The following FNDC3B variants were observed in gnomAD, a reference collection of about 807,000 sequenced individuals.
FNDC3B encodes the protein fibronectin type III domain-containing protein 3B.
FNDC3B carries 12 observed loss-of-function variants against 151.5 expected under a neutral mutation model. The ratio of observed to expected loss-of-function variants is 0.08; its 90% CI spans 0.05 to 0.13. The LOEUF is 0.13. Ranked by LOEUF, FNDC3B falls within the 10% of genes least tolerant of loss-of-function variation. The pLI is 1.00. For missense variants in FNDC3B, 1,214 were observed against 1,505.3 expected (o/e 0.81, Z 3.20); for synonymous variants, 528 against 549.0 (o/e 0.96, Z 0.54).
At chr3:172,182,841 T>C (rs1225271122) in intron 3 of FNDC3B, among the ~76,000 whole-genome samples, 5 of 152,206 alleles carry the variant, frequency 3.3e-5, no homozygotes. Flanking sequence ...GGAGATGAAG[T>C]GTTTTATTAG....
intron 23 of FNDC3B, among the ~76,000 whole-genome samples, chr3:172,368,080 A>G (rs1734715663): frequency 1.3e-5 from 2 of 152,230 alleles, no homozygotes; most frequent in Admixed American, 1.3e-4. Flanking sequence ...CGGGAACCTG[A>G]GCAGCATAGT....
intron 3 of FNDC3B, among the ~76,000 whole-genome samples, chr3:172,204,265 G>A (rs12493901): frequency 0.37 from 56,388 of 152,040 alleles, 12,649 homozygotes; most frequent in Non-Finnish European, 0.49. Flanking sequence ...AGCATGCACC[G>A]GAGACGCTTC....
chr3:172,051,606 G>A (rs76610380), intron 1 of FNDC3B, among the ~76,000 whole-genome samples: 5,083 of 152,184 alleles, frequency 0.033, 194 homozygotes, highest in African/African-American at 0.084. Context: ...GGTTCAGTGT[G>A]TACTGCCCAG....
intron 1 of FNDC3B, among the ~76,000 whole-genome samples, chr3:172,101,107 G>A (rs540933442): frequency 2.0e-5 from 3 of 152,088 alleles, no homozygotes; most frequent in Non-Finnish European, 4.4e-5. Flanking sequence ...AATTCTATAC[G>A]AGCTGATTAA....
At position 172,327,867 on chromosome 3, in the gene FNDC3B, T is replaced by C. The variant is rs544839387; in HGVS notation, c.1255-1085T>C. Among the ~76,000 whole-genome samples the C allele has an allele frequency of 2.0e-5, 3 of 152,386 alleles. No homozygotes were observed. The East Asian group carries it at 5.8e-4, about 29-fold the overall frequency. On this transcript the variant is annotated intron_variant, in intron 11 of 25. Coordinates refer to ENST00000415807, the MANE Select transcript of FNDC3B (RefSeq NM_022763.4). The stretch of plus-strand genomic sequence containing the variant: ...GTTTACGTAAAAAATGTGCTTGCTT[T>C]GTTTTTTGTGAAATAAATTGAGAAC...
chr3:172,123,973 C>T (rs1229535603), intron 2 of FNDC3B, among the ~76,000 whole-genome samples: 5 of 152,214 alleles, frequency 3.3e-5, no homozygotes, highest in Non-Finnish European at 7.3e-5. Flanking sequence ...ATTATCCTTT[C>T]ATAGATCGGT....
At chr3:172,103,417 A>G (rs1719470179) in intron 1 of FNDC3B, among the ~76,000 whole-genome samples, 2 of 152,152 alleles carry the variant, frequency 1.3e-5, no homozygotes, top group South Asian at 4.1e-4. Context: ...TAATCCTTAT[A>G]TATATGGATT....
intron 6 of FNDC3B, among the ~76,000 whole-genome samples, chr3:172,275,307 G>T (rs1242023218): frequency 6.6e-6 from 1 of 152,046 alleles, no homozygotes; most frequent in African/African-American, 2.4e-5. Context: ...TCTGAGGGGG[G>T]GAAATATACA....
intron 1 of FNDC3B, among the ~76,000 whole-genome samples, chr3:172,097,388 C>T (rs575754606): frequency 3.3e-5 from 5 of 152,264 alleles, no homozygotes; most frequent in East Asian, 1.9e-4. Context: ...AGAATGGTGA[C>T]GATTAGTTCT....
intron 1 of FNDC3B, among the ~76,000 whole-genome samples, chr3:172,089,041 T>C (rs1456449059): frequency 6.6e-6 from 1 of 152,206 alleles, no homozygotes; most frequent in Non-Finnish European, 1.5e-5. Flanking sequence ...TGACTTGTCA[T>C]GGTATTGAAT....
intron 3 of FNDC3B, among the ~76,000 whole-genome samples, chr3:172,136,266 A>C (rs1721357938): frequency 6.6e-6 from 1 of 152,234 alleles, no homozygotes; most frequent in South Asian, 2.1e-4. Flanking sequence ...GATGGTTTGC[A>C]GAACAAAAGT....
rs759835248 is a variant in FNDC3B at position 172,362,863 on chromosome 3, A to T, written c.3008+18A>T. On this transcript the variant is annotated intron_variant, in intron 23 of 25. Transcript: ENST00000415807. Reference sequence around the variant, plus strand: ...AACAAGAGGTGAGGTGGGGGTGAGGATGCTCCTGAAGCTTCTGTAGCTTTG... The same window carrying T: ...AACAAGAGGTGAGGTGGGGGTGAGGTTGCTCCTGAAGCTTCTGTAGCTTTG... 6.3e-7 allele frequency: 1 copy of T among 1,586,002 alleles called. No homozygotes were observed. The highest frequency in any genetic ancestry group is 8.6e-7 in the Non-Finnish European group (1 of 1,158,020).
At chr3:172,138,657 AG>A (rs1215368020) in intron 3 of FNDC3B, among the ~76,000 whole-genome samples, 1 of 152,248 alleles carries the variant, frequency 6.6e-6, no homozygotes, top group East Asian at 1.9e-4. Context: ...TACTGATTAA[AG>A]TAAAATTCTT....
chr3:172,203,307 G>C (rs1725251833), intron 3 of FNDC3B, among the ~76,000 whole-genome samples: 1 of 152,124 alleles, frequency 6.6e-6, no homozygotes. Flanking sequence ...CATTCTGATG[G>C]GTTTCTTTTG....
chr3:172,394,106 T>TTAAAAAAAAAAA (rs1736153949), intron 25 of FNDC3B, among the ~76,000 whole-genome samples: 5 of 16,644 alleles, frequency 3.0e-4, no homozygotes, highest in Non-Finnish European at 5.6e-4. Context: ...AGACTCCTTC[T>TTAAAAAAAAAAA]AAAAAAAAAA....
chr3:172,175,117 T>C (rs997743603), intron 3 of FNDC3B, among the ~76,000 whole-genome samples: 1 of 151,998 alleles, frequency 6.6e-6, no homozygotes, highest in African/African-American at 2.4e-5. Context: ...CCTGGATTTG[T>C]CTGACAGTCC....
At chr3:172,269,287 C>T (rs1480750300) in intron 6 of FNDC3B, among the ~76,000 whole-genome samples, 3 of 151,810 alleles carry the variant, frequency 2.0e-5, no homozygotes, top group African/African-American at 7.3e-5. Flanking sequence ...CTTTCCTAGG[C>T]TCTCTCTGTC....
intron 6 of FNDC3B, 150 bp downstream of exon 6, chr3:172,251,691 T>A: frequency 1.4e-6 from 1 of 702,740 alleles, no homozygotes; most frequent in Non-Finnish European, 2.2e-6. Flanking sequence ...ATCTATTTCT[T>A]GGTAAGGAAA....
chr3:172,243,265 A>AT (rs1727590669), intron 4 of FNDC3B, among the ~76,000 whole-genome samples: 2 of 152,082 alleles, frequency 1.3e-5, no homozygotes, highest in Non-Finnish European at 2.9e-5. Context: ...TTGCTTCCAC[A>AT]TTTTCGGGTA....
Sources: allele counts gnomAD v4.1 joint callset (sites outside exome capture counted in the v4.1 genomes callset), GRCh38; gene constraint gnomAD v4.1.1; transcripts MANE v1.5; gene names NCBI Gene and HGNC (gene_info 2026-07-23, HGNC 2026-07-21).